Variants in RABGAP1L observed in about 807,000 individuals in gnomAD.
RABGAP1L encodes the protein rab GTPase-activating protein 1-like.
In RABGAP1L, 63 loss-of-function variants were observed where a neutral mutation model predicts 137.7. That is an observed-to-expected ratio of 0.46 (90% CI 0.37 to 0.56). The LOEUF (loss-of-function observed/expected upper bound fraction) is 0.56. RABGAP1L is among the 20% of genes least tolerant of loss of function. RABGAP1L has a pLI of 0.00. For missense variants in RABGAP1L, 1,095 were observed against 1,244.0 expected (o/e 0.88, Z 1.80); for synonymous variants, 431 against 433.7 (o/e 0.99, Z 0.08).
chr1:174,408,164 A>C (rs1334267349), intron 13 of RABGAP1L, among the ~76,000 whole-genome samples: 5 of 152,164 alleles, frequency 3.3e-5, no homozygotes, highest in Non-Finnish European at 7.3e-5. Flanking sequence ...GAATGATCCT[A>C]TCACTTGGGT....
At chr1:174,865,464 A>G (rs1651037872) in intron 19 of RABGAP1L, among the ~76,000 whole-genome samples, 8 of 152,250 alleles carry the variant, frequency 5.3e-5, no homozygotes, top group Admixed American at 5.2e-4. Context: ...CTGCTTTAGA[A>G]TTCTATCTTG....
rs574970417 is a variant in RABGAP1L at position 174,258,785 on chromosome 1, G to T, written c.986+6195G>T. Among the ~76,000 whole-genome samples the T allele has an allele frequency of 1.8e-3, 264 of 149,312 alleles. 1 individual carries two copies. Among genetic ancestry groups the T allele is most frequent in the African/African-American group, 6.0e-3 (246 of 40,748 alleles). ...TTATCAACATTCTGGGTTTTTTTTT[G>T]TTTGTTTTTGGTGACAGGACCTCGC... On this transcript the variant is annotated intron_variant, in intron 7 of 25. Coordinates refer to ENST00000681986, the MANE Select transcript of RABGAP1L (RefSeq NM_001366446.1).
chr1:174,547,029 C>CAAAAAAAAAAA (rs375413887), intron 13 of RABGAP1L, among the ~76,000 whole-genome samples: 6 of 78,250 alleles, frequency 7.7e-5, no homozygotes, highest in African/African-American at 1.6e-4. Context: ...GACTCTGTCT[C>CAAAAAAAAAAA]AAAAAAAAAA....
intron 11 of RABGAP1L, among the ~76,000 whole-genome samples, chr1:174,357,769 A>G (rs1683764121): frequency 6.6e-6 from 1 of 152,218 alleles, no homozygotes; most frequent in South Asian, 2.1e-4. Context: ...TGGGTAAAGA[A>G]AAGTATACAT....
At chr1:174,776,018 T>C (rs1686499217) in intron 18 of RABGAP1L, among the ~76,000 whole-genome samples, 1 of 152,194 alleles carries the variant, frequency 6.6e-6, no homozygotes, top group African/African-American at 2.4e-5. Flanking sequence ...AGCTGTCCCC[T>C]GGTTCTAATT....
At chr1:174,256,508 C>T (rs1029198286) in intron 7 of RABGAP1L, among the ~76,000 whole-genome samples, 2 of 152,158 alleles carry the variant, frequency 1.3e-5, no homozygotes, top group African/African-American at 2.4e-5. Flanking sequence ...ATATGCTGGG[C>T]GCGGTGGCTC....
At chr1:174,559,224 AT>A (rs1667062598) in intron 13 of RABGAP1L, among the ~76,000 whole-genome samples, 1 of 152,204 alleles carries the variant, frequency 6.6e-6, no homozygotes, top group Non-Finnish European at 1.5e-5. Context: ...TATTGCTCAT[AT>A]TATCATAAGT....
At chr1:174,716,389 C>G (rs980740760) in intron 17 of RABGAP1L, among the ~76,000 whole-genome samples, 2 of 152,180 alleles carry the variant, frequency 1.3e-5, no homozygotes, top group Admixed American at 6.5e-5. Flanking sequence ...TCAGGTGAGC[C>G]TCCTACCTCA....
At chr1:174,380,300 T>C (rs1164870430) in intron 12 of RABGAP1L, among the ~76,000 whole-genome samples, 80 of 152,152 alleles carry the variant, frequency 5.3e-4, no homozygotes, top group African/African-American at 1.5e-3. Flanking sequence ...ATGCTGGCCT[T>C]ATAAAATGAG....
chr1:174,626,576 G>T (rs1191772313), intron 13 of RABGAP1L, among the ~76,000 whole-genome samples: 2 of 152,066 alleles, frequency 1.3e-5, no homozygotes, highest in African/African-American at 4.8e-5. Flanking sequence ...CAGCATTTGT[G>T]TGCAGTGACT....
intron 20 of RABGAP1L, chr1:174,964,928 T>G (rs1558288747): frequency 3.3e-6 from 5 of 1,493,502 alleles, no homozygotes; most frequent in Non-Finnish European, 4.4e-6. Context: ...ATTCTTTTTT[T>G]TTAATTGTCT....
intron 13 of RABGAP1L, among the ~76,000 whole-genome samples, chr1:174,549,553 T>C (rs529877164): frequency 3.3e-5 from 5 of 152,308 alleles, no homozygotes; most frequent in Admixed American, 3.3e-4. Flanking sequence ...TTTAGAAGTA[T>C]GTAGAGATGA....
intron 13 of RABGAP1L, among the ~76,000 whole-genome samples, chr1:174,430,701 G>A (rs1652530788): frequency 6.6e-6 from 1 of 152,166 alleles, no homozygotes; most frequent in African/African-American, 2.4e-5. Flanking sequence ...ATTTCCCACT[G>A]TTCTTGGAAG....
Position 174,272,454 on chromosome 1 carries a change from AAC to A in RABGAP1L, c.1029_1030del (p.Asn343LysfsTer2). ...ATTAAGCCCAGGTCGAAACGTGAAG[AAC>A]AGTGACATGCATTTACTGGATATGG... ...MLLSPGRNVK[N>X]SDMHLLDMES... is the part of the protein sequence containing the mutation. On this transcript the variant is annotated frameshift_variant, in exon 8 of 26. Coordinates refer to ENST00000681986, the MANE Select transcript of RABGAP1L (RefSeq NM_001366446.1). LOFTEE classifies it high-confidence loss of function. The A allele has an allele frequency of 6.2e-7, 1 of 1,602,044 alleles. No individual in the cohort carries two copies. Among genetic ancestry groups the A allele is most frequent in the Non-Finnish European group, 8.5e-7 (1 of 1,175,532 alleles).
chr1:174,394,032 A>G lies in RABGAP1L; in HGVS notation c.1597A>G (p.Thr533Ala), dbSNP rs146229419. ...NLGARPKGLS[T>A]LVKSGVPEAL... ...TGGTGCACGACCGAAAGGGCTGTCT[A>G]CTCTGGTGAAGAGTGGTGTCCCTGA... is the stretch of plus-strand genomic sequence containing the variant. Residue 533 changes from threonine (T) to alanine (A), a missense_variant, in exon 13 of 26, where the codon ACT (threonine) becomes GCT (alanine). Coordinates refer to ENST00000681986, the MANE Select transcript of RABGAP1L (RefSeq NM_001366446.1). 1.2e-6 allele frequency: 2 copies of G among 1,613,590 alleles called. No individual in the cohort carries two copies. Among genetic ancestry groups the G allele is most frequent in the East Asian group, 2.2e-5 (1 of 44,884 alleles).
intron 11 of RABGAP1L, among the ~76,000 whole-genome samples, chr1:174,353,554 C>T (rs1186870829): frequency 1.3e-5 from 2 of 152,136 alleles, no homozygotes; most frequent in Non-Finnish European, 2.9e-5. Flanking sequence ...TTATAAGGAC[C>T]CAGAGTGCTT....
At chr1:174,659,236 C>CAAAA (rs11333708) in intron 14 of RABGAP1L, among the ~76,000 whole-genome samples, 2 of 124,564 alleles carry the variant, frequency 1.6e-5, no homozygotes, top group Non-Finnish European at 3.6e-5. Context: ...TTTACTTTAC[C>CAAAA]AAAAAAAAAA....
chr1:174,695,442 T>C lies in RABGAP1L; in HGVS notation c.1900-4083T>C, dbSNP rs1428388921. On this transcript the variant is annotated intron_variant, in intron 15 of 25. Transcript: ENST00000681986. ...TCAGTTGAATTTTTTAGCTTCAGAA[T>C]TTCTGCTTAATTATTTTTTATTATT... 3.3e-5 allele frequency among the ~76,000 whole-genome samples: 5 copies of C among 152,268 alleles called. No individual in the cohort carries two copies. In the East Asian group the frequency reaches 9.6e-4, roughly 29 times the overall value.
intron 19 of RABGAP1L, among the ~76,000 whole-genome samples, chr1:174,836,859 T>C (rs1241676930): frequency 6.6e-6 from 1 of 152,232 alleles, no homozygotes; most frequent in East Asian, 1.9e-4. Flanking sequence ...TGTAACTCCT[T>C]GGATGAAAAC....
Sources: allele counts gnomAD v4.1 joint callset (sites outside exome capture counted in the v4.1 genomes callset), GRCh38; gene constraint gnomAD v4.1.1; transcripts MANE v1.5; gene names NCBI Gene and HGNC (gene_info 2026-07-23, HGNC 2026-07-21).